Variants in LUZP2 observed in about 807,000 individuals in gnomAD.
The protein encoded by LUZP2 is leucine zipper protein 2.
A neutral mutation model predicts 51.6 loss-of-function variants in LUZP2; 52 were observed. That is an observed-to-expected ratio of 1.01 (90% CI 0.81 to 1.27). The LOEUF (loss-of-function observed/expected upper bound fraction) is 1.27, where lower values mean the gene tolerates loss of function less well. LUZP2 is among the 50% of genes most tolerant of loss of function. The probability of loss-of-function intolerance (pLI) is 0.00; values close to 1 mark genes in which losing one functional copy is unlikely to be tolerated. For missense variants in LUZP2, 436 were observed against 395.4 expected, an observed-to-expected ratio of 1.10 and a Z score of -0.87; for synonymous variants, 154 against 137.3, an observed-to-expected ratio of 1.12 and a Z score of -0.85.
chr11:24,704,446 A>G (rs892846324), intron 1 of LUZP2, among the ~76,000 whole-genome samples: 9 of 147,250 alleles, frequency 6.1e-5, no homozygotes, highest in Admixed American at 1.4e-4. Flanking sequence ...CTAAATCAGA[A>G]AAAAAAAAAA....
intron 9 of LUZP2, among the ~76,000 whole-genome samples, chr11:25,015,651 A>C (rs367912637): frequency 6.6e-6 from 1 of 152,132 alleles, no homozygotes; most frequent in Non-Finnish European, 1.5e-5. Flanking sequence ...TGTAAATAAC[A>C]CGACAGAGGT....
chr11:24,543,209 T>C (rs754376214), intron 1 of LUZP2, among the ~76,000 whole-genome samples: 1 of 152,076 alleles, frequency 6.6e-6, no homozygotes, highest in African/African-American at 2.4e-5. Flanking sequence ...AAAACGTGTT[T>C]GGTTTATTTA....
intron 1 of LUZP2, among the ~76,000 whole-genome samples, chr11:24,601,334 T>C (rs1357755407): frequency 1.3e-5 from 2 of 152,102 alleles, no homozygotes; most frequent in African/African-American, 2.4e-5. Flanking sequence ...ACTCAATTTC[T>C]GATCTATAGA....
At chr11:24,973,548 A>G (rs1350216922) in intron 7 of LUZP2, among the ~76,000 whole-genome samples, 1 of 151,458 alleles carries the variant, frequency 6.6e-6, no homozygotes, top group African/African-American at 2.4e-5. Context: ...TTAATCTGAG[A>G]TTCTTCTACT....
chr11:25,024,565 A>C (rs1361999301), intron 9 of LUZP2, among the ~76,000 whole-genome samples: 2 of 152,140 alleles, frequency 1.3e-5, no homozygotes, highest in Admixed American at 6.5e-5. Context: ...AAAGAGGATA[A>C]AATACCTAGG....
At chr11:24,620,436 T>C (rs139954484) in intron 1 of LUZP2, among the ~76,000 whole-genome samples, 5 of 152,290 alleles carry the variant, frequency 3.3e-5, no homozygotes, top group Admixed American at 2.6e-4. Context: ...GAGGCAATTG[T>C]CATACCTGCT....
At chr11:24,644,583 C>A (rs563357933) in intron 1 of LUZP2, among the ~76,000 whole-genome samples, 1 of 151,434 alleles carries the variant, frequency 6.6e-6, no homozygotes, top group South Asian at 2.1e-4. Context: ...GTTTTATGCA[C>A]GTTTACCTTC....
chr11:25,009,284 A>C (rs1856918795), intron 9 of LUZP2, among the ~76,000 whole-genome samples: 1 of 152,172 alleles, frequency 6.6e-6, no homozygotes. Context: ...ATGATCTTTT[A>C]CTTAAACTTC....
intron 5 of LUZP2, among the ~76,000 whole-genome samples, chr11:24,805,192 C>T (rs112664407): frequency 0.055 from 8,293 of 151,972 alleles, 731 homozygotes; most frequent in African/African-American, 0.18. Context: ...ACATAGATGG[C>T]GGCAGGCAAA....
intron 1 of LUZP2, among the ~76,000 whole-genome samples, chr11:24,517,577 TCA>T (rs1485811225): frequency 6.6e-6 from 1 of 151,606 alleles, no homozygotes; most frequent in Non-Finnish European, 1.5e-5. Flanking sequence ...ATTTATTTTT[TCA>T]TATATCTAAA....
At chr11:24,978,453 C>G (rs1197801825) in intron 8 of LUZP2, among the ~76,000 whole-genome samples, 1 of 151,672 alleles carries the variant, frequency 6.6e-6, no homozygotes, top group East Asian at 1.9e-4. Flanking sequence ...TCCCATGATT[C>G]TGAAGCAGTC....
intron 9 of LUZP2, among the ~76,000 whole-genome samples, chr11:24,999,067 G>C (rs890713948): frequency 6.6e-6 from 1 of 151,964 alleles, no homozygotes; most frequent in Non-Finnish European, 1.5e-5. Flanking sequence ...GCAACACATG[G>C]TCATTGAGCC....
chr11:24,673,227 G>T (rs1458507942), intron 1 of LUZP2, among the ~76,000 whole-genome samples: 1 of 152,122 alleles, frequency 6.6e-6, no homozygotes, highest in Non-Finnish European at 1.5e-5. Context: ...GCATAGAAAA[G>T]GTAGAGTAGA....
chr11:24,837,952 T>A (rs1269743728), intron 5 of LUZP2, among the ~76,000 whole-genome samples: 1 of 151,712 alleles, frequency 6.6e-6, no homozygotes, highest in Non-Finnish European at 1.5e-5. Flanking sequence ...GTTGCATGAT[T>A]ATTCTCTATA....
At position 24,859,360 on chromosome 11, in the gene LUZP2, CA is replaced by C. The variant is rs113514194; in HGVS notation, c.397-46630del. 5.0e-3 allele frequency among the ~76,000 whole-genome samples: 767 copies of C among 152,212 alleles called. 9 individuals are homozygous for C. The highest frequency in any genetic ancestry group is 0.017 in the African/African-American group (721 of 41,528). ...TCATTCATCCTACACTGAAAAGAACCACCCCATTTCTCCCACTTTAAACCAT... is the reference window on the plus strand; with the variant it reads ...TCATTCATCCTACACTGAAAAGAACCCCCCATTTCTCCCACTTTAAACCAT... On this transcript the variant is annotated intron_variant, in intron 5 of 11. Transcript: ENST00000336930.
chr11:24,921,129 G>T (rs901237680), intron 7 of LUZP2, among the ~76,000 whole-genome samples: 8 of 152,088 alleles, frequency 5.3e-5, no homozygotes, highest in African/African-American at 1.9e-4. Flanking sequence ...GACACAGGTG[G>T]AGTGGTTTTA....
intron 4 of LUZP2, among the ~76,000 whole-genome samples, chr11:24,739,468 A>T (rs577703343): frequency 6.6e-6 from 1 of 152,172 alleles, no homozygotes; most frequent in South Asian, 2.1e-4. Context: ...TGGAGCATCA[A>T]TGAGAGAGTC....
chr11:24,744,259 T>A (rs1343010636), intron 4 of LUZP2, among the ~76,000 whole-genome samples: 6 of 152,202 alleles, frequency 3.9e-5, no homozygotes, highest in Non-Finnish European at 7.3e-5. Flanking sequence ...TCTTTTTCTA[T>A]CTTGTGGCAT....
chr11:24,528,254 G>A (rs1850880710), intron 1 of LUZP2, among the ~76,000 whole-genome samples: 1 of 151,092 alleles, frequency 6.6e-6, no homozygotes, highest in African/African-American at 2.4e-5. Flanking sequence ...TGATCCTCTT[G>A]AGAGAAGCAC....
Sources: allele counts gnomAD v4.1 joint callset (sites outside exome capture counted in the v4.1 genomes callset), GRCh38; gene constraint gnomAD v4.1.1; transcripts MANE v1.5; gene names NCBI Gene and HGNC (gene_info 2026-07-23, HGNC 2026-07-21).